The following PRP4K variants were observed in gnomAD, a reference collection of about 807,000 sequenced individuals.
PRP4K encodes the protein serine/threonine-protein kinase PRP4 homolog.
the PRP4K span, chr6:4,056,776 G>A: frequency 1.5e-5 from 21 of 1,376,968 alleles, no homozygotes; most frequent in South Asian, 1.0e-4. Flanking sequence ...CACCAAAGGC[G>A]AAATGAGAAA....
the PRP4K span, among the ~76,000 whole-genome samples, chr6:4,035,218 G>C: frequency 2.7e-5 from 4 of 146,386 alleles, no homozygotes; most frequent in Non-Finnish European, 4.5e-5. Flanking sequence ...CTGGGTTCAA[G>C]CAATTCTCCT....
chr6:4,049,029 G>A, the PRP4K span: 10 of 1,611,908 alleles, frequency 6.2e-6, no homozygotes, highest in Non-Finnish European at 8.5e-7. Flanking sequence ...GCTCGTCTTC[G>A]GGCCGCTGGC....
the PRP4K span, chr6:4,021,448 C>T: frequency 1.9e-6 from 3 of 1,585,242 alleles, no homozygotes; most frequent in Admixed American, 1.8e-5. Flanking sequence ...GAGACCCAGT[C>T]GCTACGGGAG....
the PRP4K span, among the ~76,000 whole-genome samples, chr6:4,055,285 A>G: frequency 6.6e-6 from 1 of 152,234 alleles, no homozygotes; most frequent in Admixed American, 6.5e-5. Context: ...TAAGTAGCTG[A>G]ATTCAGCTTA....
chr6:4,043,765 A>G, the PRP4K span: 6 of 1,557,694 alleles, frequency 3.9e-6, no homozygotes, highest in African/African-American at 1.4e-5. Context: ...ATGTATTTGG[A>G]TAGCATCCAA....
At chr6:4,040,782 C>T in the PRP4K span, 12 of 1,613,320 alleles carry the variant, frequency 7.4e-6, no homozygotes, top group East Asian at 1.6e-4. Flanking sequence ...GGACAGAGGT[C>T]GGAGGAGCAG....
the PRP4K span, chr6:4,059,019 T>C: frequency 2.1e-6 from 1 of 483,754 alleles, no homozygotes; most frequent in South Asian, 2.9e-5. Flanking sequence ...TAATTTATTT[T>C]TATTATAGGT....
At chr6:4,057,279 C>CA in the PRP4K span, 1 of 1,353,250 alleles carries the variant, frequency 7.4e-7, no homozygotes, top group Non-Finnish European at 1.0e-6. Flanking sequence ...AGCTATAAAA[C>CA]AAAAATTTCA....
chr6:4,047,793 A>G, the PRP4K span, among the ~76,000 whole-genome samples: 1 of 152,148 alleles, frequency 6.6e-6, no homozygotes, highest in Admixed American at 6.6e-5. Flanking sequence ...CATTTTCAAT[A>G]TAAATTTCAA....
the PRP4K span, chr6:4,042,359 A>G: frequency 1.5e-6 from 1 of 665,774 alleles, no homozygotes; most frequent in East Asian, 3.2e-5. Flanking sequence ...TGGTTTGGAA[A>G]CAAAAGTAAT....
the PRP4K span, chr6:4,056,930 G>T: frequency 2.5e-6 from 3 of 1,199,240 alleles, no homozygotes; most frequent in South Asian, 1.5e-5. Flanking sequence ...GAAGATTGTG[G>T]TTATAGTCCA....
At chr6:4,028,399 A>C in the PRP4K span, among the ~76,000 whole-genome samples, 6 of 151,902 alleles carry the variant, frequency 3.9e-5, no homozygotes, top group African/African-American at 9.7e-5. Flanking sequence ...TAGAGATAGG[A>C]TCTCACCATG....
chr6:4,037,710 ATC>A, the PRP4K span: 2 of 681,548 alleles, frequency 2.9e-6, no homozygotes, highest in Non-Finnish European at 4.6e-6. Flanking sequence ...TTTACCAGCA[ATC>A]TCTACACATG....
the PRP4K span, among the ~76,000 whole-genome samples, chr6:4,059,446 A>G: frequency 6.6e-6 from 1 of 152,266 alleles, no homozygotes; most frequent in South Asian, 2.1e-4. Context: ...AAACTCCCAG[A>G]TTGAAGTAAT....
chr6:4,056,249 C>A, the PRP4K span: 1 of 1,087,028 alleles, frequency 9.2e-7, no homozygotes, highest in Non-Finnish European at 1.4e-6. Flanking sequence ...CTTTTCAAAG[C>A]CAATAATTTT....
the PRP4K span, among the ~76,000 whole-genome samples, chr6:4,057,729 G>T: frequency 6.1e-5 from 9 of 146,796 alleles, no homozygotes; most frequent in African/African-American, 2.3e-4. Context: ...ATTTATTAAA[G>T]TATCTGAGGG....
chr6:4,040,695 C>T, the PRP4K span: 1 of 1,398,446 alleles, frequency 7.2e-7, no homozygotes, highest in Non-Finnish European at 9.8e-7. Context: ...TCTATATATC[C>T]CCTGTGCCCA....
the PRP4K span, among the ~76,000 whole-genome samples, chr6:4,036,531 G>GT: frequency 6.6e-6 from 1 of 151,850 alleles, no homozygotes; most frequent in Non-Finnish European, 1.5e-5. Context: ...TATTGTTTTT[G>GT]TTTTTTTGAG....
chr6:4,042,504 T>G, the PRP4K span: 1 of 1,611,062 alleles, frequency 6.2e-7, no homozygotes, highest in Non-Finnish European at 8.5e-7. Flanking sequence ...GACTTTGATG[T>G]AGAGGAAGAA....
Sources: gnomAD v4.1 joint callset for allele counts (sites outside exome capture counted in the v4.1 genomes callset) on GRCh38, gnomAD v4.1.1 for gene constraint, MANE v1.5 for transcripts, NCBI Gene and HGNC (gene_info 2026-07-23, HGNC 2026-07-21) for gene names.